Variants in BLTP1 observed in about 807,000 individuals in gnomAD.
BLTP1 encodes the protein fragile site-associated protein.
the BLTP1 span, among the ~76,000 whole-genome samples, chr4:122,332,281 AG>A: frequency 6.6e-6 from 1 of 152,016 alleles, no homozygotes; most frequent in Admixed American, 6.6e-5. Context: ...AAAATAAAAA[AG>A]GTACTATAAA....
chr4:122,278,249 A>G, the BLTP1 span, among the ~76,000 whole-genome samples: 1 of 151,256 alleles, frequency 6.6e-6, no homozygotes, highest in Non-Finnish European at 1.5e-5. Flanking sequence ...GATACCAGCC[A>G]TTTATTCCTT....
the BLTP1 span, among the ~76,000 whole-genome samples, chr4:122,259,518 G>T: frequency 6.6e-6 from 1 of 152,158 alleles, no homozygotes; most frequent in Non-Finnish European, 1.5e-5. Flanking sequence ...GTTGTTGGTG[G>T]TTCTTTATTT....
the BLTP1 span, among the ~76,000 whole-genome samples, chr4:122,326,657 T>C: frequency 5.3e-5 from 8 of 151,812 alleles, no homozygotes; most frequent in Middle Eastern, 6.8e-3. Context: ...TTTGAAGTGA[T>C]TCAATTCAAG....
the BLTP1 span, chr4:122,227,212 C>G: frequency 1.3e-4 from 128 of 995,252 alleles, no homozygotes; most frequent in Non-Finnish European, 1.5e-4. Flanking sequence ...GCAGACCACT[C>G]TGGACATGCC....
the BLTP1 span, among the ~76,000 whole-genome samples, chr4:122,176,080 T>A: frequency 1.3e-5 from 2 of 152,100 alleles, no homozygotes; most frequent in African/African-American, 4.8e-5. Flanking sequence ...GGCAGGTGGA[T>A]CACCTGAGGT....
the BLTP1 span, chr4:122,181,283 A>G: frequency 2.1e-6 from 2 of 954,838 alleles, no homozygotes; most frequent in Non-Finnish European, 2.5e-6. Context: ...ACAGATCTAA[A>G]TGTGCTCCTG....
At chr4:122,308,009 CT>C in the BLTP1 span, 4 of 1,613,296 alleles carry the variant, frequency 2.5e-6, no homozygotes, top group Non-Finnish European at 3.4e-6. Flanking sequence ...CAACGAATGG[CT>C]TTACATAAGG....
the BLTP1 span, among the ~76,000 whole-genome samples, chr4:122,314,892 C>T: frequency 3.3e-5 from 5 of 152,172 alleles, no homozygotes; most frequent in Non-Finnish European, 7.4e-5. Flanking sequence ...GGAACCAGGT[C>T]AATTCAGGAG....
the BLTP1 span, chr4:122,167,656 C>T: frequency 2.0e-6 from 2 of 985,366 alleles, no homozygotes; most frequent in Non-Finnish European, 2.4e-6. Flanking sequence ...CTCCTCATCT[C>T]ACTCTGGTTT....
chr4:122,297,763 T>C, the BLTP1 span, among the ~76,000 whole-genome samples: 1 of 152,164 alleles, frequency 6.6e-6, no homozygotes, highest in African/African-American at 2.4e-5. Context: ...TGCAGGGATA[T>C]TGATGGAGCT....
At chr4:122,339,422 T>G in the BLTP1 span, 2 of 1,598,992 alleles carry the variant, frequency 1.3e-6, no homozygotes, top group Admixed American at 3.4e-5. Context: ...TAGATAATGT[T>G]CTTTTATTCC....
the BLTP1 span, chr4:122,164,368 A>T: frequency 1.0e-6 from 1 of 980,818 alleles, no homozygotes; most frequent in African/African-American, 1.7e-5. Flanking sequence ...TTGTAAAACA[A>T]ACAGTATGTG....
At chr4:122,185,309 G>A in the BLTP1 span, 1 of 982,264 alleles carries the variant, frequency 1.0e-6, no homozygotes, top group Admixed American at 6.2e-5. Flanking sequence ...AATGGATAGA[G>A]GTTATAAAAA....
the BLTP1 span, among the ~76,000 whole-genome samples, chr4:122,217,524 T>C: frequency 1.3e-5 from 2 of 152,156 alleles, no homozygotes; most frequent in African/African-American, 2.4e-5. Flanking sequence ...TTATGTGATA[T>C]ATCACATTTA....
the BLTP1 span, chr4:122,262,862 T>A: frequency 6.2e-7 from 1 of 1,614,030 alleles, no homozygotes; most frequent in South Asian, 1.1e-5. Flanking sequence ...TAAAGGACAG[T>A]CCAAGGAAGG....
At chr4:122,301,793 A>G in the BLTP1 span, among the ~76,000 whole-genome samples, 1 of 152,190 alleles carries the variant, frequency 6.6e-6, no homozygotes, top group Non-Finnish European at 1.5e-5. Flanking sequence ...TATTTTATGC[A>G]CTTTTCCAGT....
At chr4:122,250,875 C>T in the BLTP1 span, 3 of 916,226 alleles carry the variant, frequency 3.3e-6, no homozygotes, top group Non-Finnish European at 3.9e-6. Context: ...GAGAAATCCA[C>T]CTATAGGGTG....
chr4:122,207,018 T>C, the BLTP1 span: 1 of 1,220,220 alleles, frequency 8.2e-7, no homozygotes, highest in Non-Finnish European at 1.1e-6. Context: ...AAAAGAAAAA[T>C]TCATTTTTGA....
At chr4:122,346,070 A>G in the BLTP1 span, 1 of 957,528 alleles carries the variant, frequency 1.0e-6, no homozygotes, top group South Asian at 4.8e-5. Context: ...AAAAACAGAA[A>G]TTTTAGCTGT....
Sources: gnomAD v4.1 joint callset for allele counts (sites outside exome capture counted in the v4.1 genomes callset) on GRCh38, gnomAD v4.1.1 for gene constraint, MANE v1.5 for transcripts, NCBI Gene and HGNC (gene_info 2026-07-23, HGNC 2026-07-21) for gene names.